PIK3C3: variants seen among roughly 807,000 people sequenced by gnomAD.
PIK3C3 encodes phosphatidylinositol 3-kinase catalytic subunit type 3, also known as PI3-kinase type 3.
A neutral mutation model predicts 126.1 loss-of-function variants in PIK3C3; 95 were observed. The ratio of observed to expected loss-of-function variants is 0.75; its 90% confidence interval spans 0.64 to 0.89. The LOEUF (loss-of-function observed/expected upper bound fraction) is 0.89, where lower values mean the gene tolerates loss of function less well. Among genes scored for constraint, PIK3C3 ranks in the 40% least tolerant of loss-of-function variants. PIK3C3 has a pLI of 0.00. For synonymous variants in PIK3C3, 374 were observed against 360.0 expected (o/e 1.04, Z -0.44); for missense variants, 829 against 1,063.2 (o/e 0.78, Z 3.06).
intron 24 of PIK3C3, among the ~76,000 whole-genome samples, chr18:42,078,333 C>T (rs1000169495): frequency 7.2e-6 from 1 of 139,500 alleles, no homozygotes; most frequent in Non-Finnish European, 1.5e-5. Context: ...GCCGAGATTG[C>T]GCCACTGCAG....
intron 7 of PIK3C3, 93 bp from the exon 8 acceptor site, chr18:41,995,797 A>G (rs1219962899): frequency 6.1e-6 from 5 of 816,064 alleles, no homozygotes; most frequent in African/African-American, 3.5e-5. Flanking sequence ...AGATATTATT[A>G]AATGCTCCTA....
intron 4 of PIK3C3, among the ~76,000 whole-genome samples, chr18:41,984,230 T>C (rs1415043985): frequency 6.6e-6 from 1 of 152,128 alleles, no homozygotes; most frequent in African/African-American, 2.4e-5. Flanking sequence ...CAAAATTAAA[T>C]ATAAATTGTT....
intron 10 of PIK3C3, 146 bp downstream of exon 10, chr18:42,004,687 G>A: frequency 1.6e-6 from 1 of 617,212 alleles, no homozygotes; most frequent in South Asian, 2.7e-5. Flanking sequence ...GGATATACTA[G>A]GTGTATTTTC....
At chr18:41,980,914 T>C (rs977499500) in intron 4 of PIK3C3, among the ~76,000 whole-genome samples, 4 of 151,772 alleles carry the variant, frequency 2.6e-5, no homozygotes, top group African/African-American at 9.7e-5. Flanking sequence ...AGCAGAAGAG[T>C]CTTATATTTT....
intron 24 of PIK3C3, among the ~76,000 whole-genome samples, chr18:42,078,888 T>C (rs79262719): frequency 6.6e-6 from 1 of 152,212 alleles, no homozygotes; most frequent in South Asian, 2.1e-4. Flanking sequence ...CTTTATAGAA[T>C]TGAAGACAGT....
chr18:41,997,974 A>G (rs924204108), intron 9 of PIK3C3, among the ~76,000 whole-genome samples: 1 of 152,138 alleles, frequency 6.6e-6, no homozygotes, highest in African/African-American at 2.4e-5. Context: ...GCTGTTACAT[A>G]TTTATTTGAG....
At chr18:42,016,474 A>G (rs1983080034) in intron 12 of PIK3C3, among the ~76,000 whole-genome samples, 1 of 152,132 alleles carries the variant, frequency 6.6e-6, no homozygotes, top group African/African-American at 2.4e-5. Flanking sequence ...ATGTATGGGA[A>G]CTGTTCTACA....
At chr18:42,072,978 CCT>C (rs1282055413) in intron 24 of PIK3C3, among the ~76,000 whole-genome samples, 3 of 152,112 alleles carry the variant, frequency 2.0e-5, no homozygotes, top group African/African-American at 7.2e-5. Flanking sequence ...TCTGCTTCTC[CCT>C]GTCATCCTTT....
At chr18:42,002,829 A>G (rs1982353805) in intron 9 of PIK3C3, among the ~76,000 whole-genome samples, 1 of 152,200 alleles carries the variant, frequency 6.6e-6, no homozygotes, top group African/African-American at 2.4e-5. Context: ...GTGTCATATA[A>G]TGAGAATCAG....
intron 10 of PIK3C3, among the ~76,000 whole-genome samples, chr18:42,006,816 G>GGT (rs1982567181): frequency 6.6e-6 from 1 of 151,188 alleles, no homozygotes; most frequent in South Asian, 2.1e-4. Flanking sequence ...TTAGTGAAGA[G>GGT]GTGTGTGGGG....
intron 20 of PIK3C3, among the ~76,000 whole-genome samples, chr18:42,048,738 G>A (rs1162230888): frequency 6.6e-6 from 1 of 152,156 alleles, no homozygotes; most frequent in Non-Finnish European, 1.5e-5. Flanking sequence ...AGGGTTATAA[G>A]TTCATTAACA....
chr18:41,957,648 A>G lies in PIK3C3; in HGVS notation c.147A>G (p.Leu49=), dbSNP rs373795900. 2.6e-5 allele frequency: 42 copies of G among 1,613,826 alleles called. No individual in the cohort carries two copies. Among genetic ancestry groups the G allele is most frequent in the South Asian group, 1.9e-4 (17 of 91,072 alleles). ...LEDPMLKFSG[L]YQETCSDLYV... is the part of the protein sequence containing the mutation. ...ACCCAATGTTGAAGTTCTCAGGACT[A>G]TATCAAGAGACATGCTCTGATCTTT... The change falls in exon 2 of 25, where the codon CTA becomes CTG. Residue 49 remains leucine (L), a synonymous_variant. Coordinates refer to ENST00000262039, the MANE Select transcript of PIK3C3 (RefSeq NM_002647.4).
chr18:42,009,088 T>A (rs1423544947), intron 10 of PIK3C3, among the ~76,000 whole-genome samples: 1 of 152,236 alleles, frequency 6.6e-6, no homozygotes, highest in Non-Finnish European at 1.5e-5. Context: ...ATTGTTTAAT[T>A]TTCTGTTATA....
chr18:41,977,810 A>G (rs1843605025), intron 4 of PIK3C3, among the ~76,000 whole-genome samples: 1 of 152,200 alleles, frequency 6.6e-6, no homozygotes, highest in Non-Finnish European at 1.5e-5. Flanking sequence ...TCTTTGTGTG[A>G]TCACAAAAAA....
rs564547425 is a variant in PIK3C3, at chr18:42,086,776, C to G, written c.*5639C>G. 2 of 152,190 alleles carry G rather than the reference C, an allele frequency of 1.3e-5. No homozygotes were observed. The highest frequency in any genetic ancestry group is 2.9e-5 in the Non-Finnish European group (2 of 68,022). 9.4% of individuals were successfully genotyped at this position (152,190 alleles called of 1,614,324 possible). A position where few individuals can be genotyped will look rare whatever the true frequency, so the allele number is the denominator to read the frequency against. On this transcript the variant is annotated 3_prime_UTR_variant, in exon 25 of 25. Coordinates refer to ENST00000262039, the MANE Select transcript of PIK3C3 (RefSeq NM_002647.4). Reference sequence around the variant, plus strand: ...CCTTGAAAATTCATGAATAATCCACCCCTTGTTTAGCATATGATCAAGAAA... The same window carrying G: ...CCTTGAAAATTCATGAATAATCCACGCCTTGTTTAGCATATGATCAAGAAA...
intron 11 of PIK3C3, 143 bp downstream of exon 11, chr18:42,013,739 C>CAT (rs1421905019): frequency 6.7e-5 from 42 of 626,692 alleles, no homozygotes; most frequent in Middle Eastern, 8.6e-4. Flanking sequence ...CATGTGTACT[C>CAT]ACAGCACACA....
At chr18:42,031,366 TTA>T (rs752066200) in intron 15 of PIK3C3, among the ~76,000 whole-genome samples, 3 of 152,130 alleles carry the variant, frequency 2.0e-5, no homozygotes, top group Non-Finnish European at 4.4e-5. Context: ...TTAGGAAAAA[TTA>T]TGTTAGAAGA....
intron 21 of PIK3C3, among the ~76,000 whole-genome samples, chr18:42,054,459 T>A (rs892203253): frequency 6.6e-6 from 1 of 151,744 alleles, no homozygotes; most frequent in African/African-American, 2.4e-5. Flanking sequence ...AGGTCTGCCT[T>A]TCCCAACCCA....
intron 10 of PIK3C3, among the ~76,000 whole-genome samples, chr18:42,011,862 G>A (rs2144399708): frequency 6.6e-6 from 1 of 152,216 alleles, no homozygotes; most frequent in Middle Eastern, 3.4e-3. Context: ...CAGTATTACT[G>A]TGTCTTGGAA....
Sources: allele counts gnomAD v4.1 joint callset (sites outside exome capture counted in the v4.1 genomes callset), GRCh38; gene constraint gnomAD v4.1.1; transcripts MANE v1.5; gene names NCBI Gene and HGNC (gene_info 2026-07-23, HGNC 2026-07-21).